AATK: variants seen among roughly 807,000 people sequenced by gnomAD.
The protein encoded by AATK is lemur tail kinase 1.
A neutral mutation model predicts 114.3 loss-of-function variants in AATK; 91 were observed. That is an observed-to-expected ratio of 0.80 (90% CI 0.67 to 0.95). The LOEUF (loss-of-function observed/expected upper bound fraction) is 0.95, where lower values mean the gene tolerates loss of function less well. Among genes scored for constraint, AATK ranks in the 40% least tolerant of loss-of-function variants. The probability of loss-of-function intolerance (pLI) is 0.00; values close to 1 mark genes in which losing one functional copy is unlikely to be tolerated. For synonymous variants in AATK, 1,075 were observed against 916.5 expected (o/e 1.17, Z -3.12); for missense variants, 2,176 against 1,965.2 (o/e 1.11, Z -2.03).
At chr17:81,141,320 G>A (rs377051721) in intron 1 of AATK, among the ~76,000 whole-genome samples, 10 of 152,156 alleles carry the variant, frequency 6.6e-5, no homozygotes, top group East Asian at 1.9e-4. Context: ...GCATGGTGGC[G>A]TGTGCCTGTA....
chr17:81,128,847 C>G, intron 3 of AATK: 2 of 1,201,736 alleles, frequency 1.7e-6, no homozygotes, highest in Non-Finnish European at 2.1e-6. Flanking sequence ...GGGCCCGGAG[C>G]TCGACCCGTC....
intron 2 of AATK, chr17:81,132,657 T>C: frequency 3.3e-6 from 1 of 306,940 alleles, no homozygotes; most frequent in South Asian, 2.4e-5. Flanking sequence ...AGGCATTACC[T>C]GCTGCCCGGG....
At chr17:81,127,521 G>T in intron 6 of AATK, 62 bp downstream of exon 6, 3 of 1,499,500 alleles carry the variant, frequency 2.0e-6, no homozygotes, top group Non-Finnish European at 2.7e-6. Context: ...CCAGACACTG[G>T]CAGGGCAAGG....
In AATK at chr17:81,120,113, C is replaced by T. The variant is rs376545697; in HGVS notation, c.3736-30G>A. 7 of 1,466,386 alleles carry T rather than the reference C, an allele frequency of 4.8e-6. No individual in the cohort carries two copies. In the East Asian group the frequency reaches 7.7e-5, roughly 16 times the overall value. The allele number at this position is 1,466,386 out of a possible 1,614,324, so 90.8% of individuals were successfully genotyped here. ...AGGAATCAGAGAGCACCAGGTAGCT[C>T]GGCCGCCAGGAGCCGCGGCCGCTCC... On this transcript the variant is annotated intron_variant, in intron 11 of 13. Coordinates refer to ENST00000326724, the MANE Select transcript of AATK (RefSeq NM_001080395.3).
At chr17:81,137,902 ATACACACGGGCACACGTG>A (rs2061038888) in intron 1 of AATK, among the ~76,000 whole-genome samples, 1 of 144,360 alleles carries the variant, frequency 6.9e-6, no homozygotes, top group African/African-American at 2.6e-5. Flanking sequence ...CCACGTGCAC[ATACACACGGGCACACGTG>A]CACACAGCCA....
At position 81,119,573 on chromosome 17, in the gene AATK, C is replaced by T; in HGVS notation, c.3891G>A (p.Gly1297=). ...GCGGGAAGTCGTCGTCCCACGCGAA[C>T]CCACCACCTGCAGCCCAGGTCGCGG... ...PNGSTAEEGG[G]FAWDDDFPLM... is the part of the protein sequence containing the mutation. Residue 1297 remains glycine, a synonymous_variant, in exon 13 of 14, where the codon GGG becomes GGA. Coordinates refer to ENST00000326724, the MANE Select transcript of AATK (RefSeq NM_001080395.3). 1 of 1,571,430 alleles carries T rather than the reference C, an allele frequency of 6.4e-7. No homozygotes were observed. Among genetic ancestry groups the T allele is most frequent in the East Asian group, 2.4e-5 (1 of 41,520 alleles).
In AATK at chr17:81,122,934, G is replaced by A. The variant is rs1434908145; in HGVS notation, c.1113-111C>T. The A allele has an allele frequency of 7.4e-6, 8 of 1,081,832 alleles. No homozygotes were observed. In the East Asian group the frequency reaches 1.5e-4, roughly 20 times the overall value. The allele number at this position is 1,081,832 out of a possible 1,614,324, so 67.0% of individuals were successfully genotyped here. On this transcript the variant is annotated intron_variant, in intron 10 of 13. Coordinates refer to ENST00000326724, the MANE Select transcript of AATK (RefSeq NM_001080395.3). ...TCCCAGTGTCTTGGGGGCATTAAGGGTATCTCCCACTTAATTGACACCCCA... is the reference window on the plus strand; with the variant it reads ...TCCCAGTGTCTTGGGGGCATTAAGGATATCTCCCACTTAATTGACACCCCA...
At chr17:81,145,247 A>G (rs558049349) in intron 1 of AATK, among the ~76,000 whole-genome samples, 30 of 66,206 alleles carry the variant, frequency 4.5e-4, no homozygotes, top group African/African-American at 1.6e-3. Flanking sequence ...AAAAAAAAAA[A>G]AAAGAAAAAG....
chr17:81,147,553 G>T (rs1228222656), intron 1 of AATK, among the ~76,000 whole-genome samples: 1 of 152,096 alleles, frequency 6.6e-6, no homozygotes, highest in Non-Finnish European at 1.5e-5. Context: ...TTAAGAGTTT[G>T]AGACTAGCCT....
intron 1 of AATK, among the ~76,000 whole-genome samples, chr17:81,138,516 A>G (rs1055837982): frequency 6.8e-6 from 1 of 146,114 alleles, no homozygotes; most frequent in African/African-American, 2.6e-5. Context: ...GACACAATGC[A>G]CCCACACACG....
chr17:81,122,055 T>C lies in AATK; in HGVS notation c.1881A>G (p.Ala627=). The C allele has an allele frequency of 6.3e-7, 1 of 1,595,418 alleles. No homozygotes were observed. The highest frequency in any genetic ancestry group is 8.5e-7 in the Non-Finnish European group (1 of 1,177,850). ...GACAGAAGGCGGCCACGCCCCAGTCTGCATCCTCCGCTCCTCCCTCCGCCA... is the reference window on the plus strand; with the variant it reads ...GACAGAAGGCGGCCACGCCCCAGTCCGCATCCTCCGCTCCTCCCTCCGCCA... ...LSLAEGGAED[A]DWGVAAFCPA... Residue 627 remains alanine, a synonymous_variant, in exon 11 of 14, where the codon GCA becomes GCG. Transcript: ENST00000326724.
At chr17:81,128,375 C>A in intron 4 of AATK, 95 bp downstream of exon 4, 2 of 1,430,600 alleles carry the variant, frequency 1.4e-6, no homozygotes, top group Non-Finnish European at 9.5e-7. Context: ...AAGGGACCGT[C>A]GGGGCTGGGG....
chr17:81,128,870 C>A, intron 3 of AATK: 1 of 1,175,166 alleles, frequency 8.5e-7, no homozygotes, highest in Non-Finnish European at 1.1e-6. Flanking sequence ...ATGGGCTGCA[C>A]CAGGCAGGCA....
chr17:81,118,788 C>A (rs905956197), intron 13 of AATK, among the ~76,000 whole-genome samples: 1 of 152,174 alleles, frequency 6.6e-6, no homozygotes, highest in African/African-American at 2.4e-5. Flanking sequence ...GCTGACAGGC[C>A]CTTCCCCCAG....
At chr17:81,155,381 A>ACTG (rs1435119459) in intron 1 of AATK, among the ~76,000 whole-genome samples, 1 of 110,764 alleles carries the variant, frequency 9.0e-6, no homozygotes, top group East Asian at 2.6e-4. Context: ...CATTTTACCT[A>ACTG]TTATTATTAT....
chr17:81,133,651 C>T (rs999903228), intron 2 of AATK, among the ~76,000 whole-genome samples: 8 of 152,270 alleles, frequency 5.3e-5, no homozygotes, highest in African/African-American at 1.4e-4. Context: ...CGATGCTGGC[C>T]GGGGTTCCTT....
At position 81,120,882 on chromosome 17, in the gene AATK, G is replaced by A. The variant is rs1279122218; in HGVS notation, c.3054C>T (p.Asp1018=). The part of the protein sequence containing the change: ...TSGPEKKCGG[D]RAPGPELGLP... ...GGCCCAGCTCTGGCCCGGGGGCTCGGTCCCCGCCGCACTTCTTCTCTGGGC... is the reference window on the plus strand; with the variant it reads ...GGCCCAGCTCTGGCCCGGGGGCTCGATCCCCGCCGCACTTCTTCTCTGGGC... Residue 1018 remains aspartate, a synonymous_variant, in exon 11 of 14, where the codon GAC becomes GAT. Transcript: ENST00000326724. 2.5e-6 allele frequency: 4 copies of A among 1,579,854 alleles called. No individual in the cohort carries two copies. Among genetic ancestry groups the A allele is most frequent in the Non-Finnish European group, 2.6e-6 (3 of 1,163,236 alleles).
In AATK at chr17:81,122,552, C is replaced by T. The variant is rs1249569273; in HGVS notation, c.1384G>A (p.Gly462Ser). Reference protein sequence around the residue: ...QFAGDGFHADGDDVLTVTETS... With the variant: ...QFAGDGFHADSDDVLTVTETS... Reference sequence around the variant, plus strand: ...TCGGTCACCGTCAGCACGTCGTCGCCGTCCGCGTGGAAGCCGTCGCCCGCG... The same window carrying T: ...TCGGTCACCGTCAGCACGTCGTCGCTGTCCGCGTGGAAGCCGTCGCCCGCG... The change falls in exon 11 of 14, where the codon GGC becomes AGC. Residue 462 changes from glycine (G) to serine (S), a missense_variant. Around this residue, in one of 4 missense-constraint regions of AATK, gnomAD observed 1,701 missense variants for 1,394.7 expected, o/e 1.22. Transcript: ENST00000326724. The T allele has an allele frequency of 1.7e-5, 25 of 1,475,648 alleles. No individual in the cohort carries two copies. The highest frequency in any genetic ancestry group is 2.3e-5 in the Non-Finnish European group (25 of 1,108,664). The allele number at this position is 1,475,648 out of a possible 1,614,324, so 91.4% of individuals were successfully genotyped here. A position where few individuals can be genotyped will look rare whatever the true frequency, so the allele number is the denominator to read the frequency against.
At chr17:81,134,325 C>A in intron 2 of AATK, 43 bp downstream of exon 2, 1 of 1,609,454 alleles carries the variant, frequency 6.2e-7, no homozygotes, top group Non-Finnish European at 8.5e-7. Flanking sequence ...ACAGGCCTTG[C>A]CTGCGGGATC....
Sources: allele counts gnomAD v4.1 joint callset (sites outside exome capture counted in the v4.1 genomes callset), GRCh38; gene constraint gnomAD v4.1.1; regional missense constraint gnomAD v4.1.1; transcripts MANE v1.5; gene names NCBI Gene and HGNC (gene_info 2026-07-23, HGNC 2026-07-21).